ZBTB20: variants seen among roughly 807,000 people sequenced by gnomAD.
ZBTB20 encodes zinc finger and BTB domain-containing protein 20.
Under a neutral mutation model 56.9 loss-of-function variants are expected in ZBTB20, and 9 were observed. The ratio of observed to expected loss-of-function variants is 0.16; its 90% confidence interval spans 0.10 to 0.28. The LOEUF is 0.28. Among genes scored for constraint, ZBTB20 ranks in the 10% least tolerant of loss-of-function variants. The probability of loss-of-function intolerance (pLI) is 1.00; values close to 1 mark genes in which losing one functional copy is unlikely to be tolerated. For missense variants in ZBTB20, 655 were observed against 1,003.0 expected (o/e 0.65, Z 4.69); for synonymous variants, 417 against 420.7 (o/e 0.99, Z 0.11).
chr3:114,320,508 A>T lies in ZBTB20; in HGVS notation c.*18497T>A, dbSNP rs2078856425. The T allele has an allele frequency of 6.6e-6, 1 of 152,232 alleles. No individual in the cohort carries two copies. 9.4% of individuals were successfully genotyped at this position (152,232 alleles called of 1,614,324 possible). ...AAGTATGAAGGAGCCAAGATTACATAATTCCAACTATGGTATGATTGGCAA... is the reference window on the plus strand; with the variant it reads ...AAGTATGAAGGAGCCAAGATTACATTATTCCAACTATGGTATGATTGGCAA... On this transcript the variant is annotated 3_prime_UTR_variant, in exon 12 of 12. Coordinates refer to ENST00000675478, the MANE Select transcript of ZBTB20 (RefSeq NM_001348800.3).
intron 6 of ZBTB20, among the ~76,000 whole-genome samples, chr3:114,654,077 T>G (rs1333925111): frequency 6.6e-6 from 1 of 151,922 alleles, no homozygotes; most frequent in Admixed American, 6.5e-5. Flanking sequence ...TTCATTAATC[T>G]TCTTTGTAGT....
intron 7 of ZBTB20, among the ~76,000 whole-genome samples, chr3:114,493,451 T>A (rs2042954078): frequency 6.6e-6 from 1 of 152,200 alleles, no homozygotes; most frequent in Non-Finnish European, 1.5e-5. Flanking sequence ...CTTCTTAAGT[T>A]TGCTCCTCTA....
At chr3:114,551,277 G>C (rs536514056) in intron 6 of ZBTB20, among the ~76,000 whole-genome samples, 1 of 152,134 alleles carries the variant, frequency 6.6e-6, no homozygotes, top group Non-Finnish European at 1.5e-5. Flanking sequence ...TTCAATTTGC[G>C]TAACGATATT....
intron 3 of ZBTB20, among the ~76,000 whole-genome samples, chr3:114,954,977 A>G (rs900616434): frequency 1.3e-5 from 2 of 152,182 alleles, no homozygotes; most frequent in African/African-American, 4.8e-5. Context: ...GTGAATAGTA[A>G]TTCTAAAGGA....
chr3:114,528,496 T>C (rs1197961837), intron 6 of ZBTB20: 1 of 152,206 alleles, frequency 6.6e-6, no homozygotes, highest in African/African-American at 2.4e-5. Context: ...TGATAGATGT[T>C]TTAAATCAGT....
rs1033237402 is a variant in ZBTB20 at position 114,864,461 on chromosome 3, C to T, written c.-417+35843G>A. On this transcript the variant is annotated intron_variant, in intron 4 of 11. Coordinates refer to ENST00000675478, the MANE Select transcript of ZBTB20 (RefSeq NM_001348800.3). ...GTCTCCTATTTCTTAAGTATTTTTT[C>T]CTTTTTATTTTCATATAATTACAAG... Among the ~76,000 whole-genome samples, 6 of 143,990 alleles carry T rather than the reference C, an allele frequency of 4.2e-5. No homozygotes were observed. In the South Asian group the frequency reaches 1.4e-3, roughly 33 times the overall value. 94.5% of individuals were successfully genotyped at this position (143,990 alleles called of 152,430 possible). A position where few individuals can be genotyped will look rare whatever the true frequency, so the allele number is the denominator to read the frequency against.
At chr3:114,754,519 T>TA (rs1306513725) in intron 5 of ZBTB20, among the ~76,000 whole-genome samples, 2 of 152,298 alleles carry the variant, frequency 1.3e-5, no homozygotes, top group Non-Finnish European at 2.9e-5. Flanking sequence ...AGTGATATAA[T>TA]ACCATATGGA....
chr3:114,893,554 C>G (rs1356520136), intron 4 of ZBTB20, among the ~76,000 whole-genome samples: 1 of 152,094 alleles, frequency 6.6e-6, no homozygotes, highest in Non-Finnish European at 1.5e-5. Context: ...AACAATAAGC[C>G]TGTGGCCAGG....
intron 4 of ZBTB20, among the ~76,000 whole-genome samples, chr3:114,892,235 A>G (rs1007731196): frequency 6.6e-6 from 1 of 152,204 alleles, no homozygotes; most frequent in African/African-American, 2.4e-5. Flanking sequence ...CGTCTTGCTA[A>G]GGAAGTGTAT....
intron 5 of ZBTB20, among the ~76,000 whole-genome samples, chr3:114,712,099 G>A (rs572422460): frequency 5.6e-4 from 85 of 152,246 alleles, no homozygotes; most frequent in Non-Finnish European, 5.9e-5. Context: ...CCAGTATGAC[G>A]TGATTATCAG....
intron 10 of ZBTB20, among the ~76,000 whole-genome samples, chr3:114,368,634 GA>G (rs1356427442): frequency 2.0e-5 from 3 of 152,206 alleles, no homozygotes; most frequent in Non-Finnish European, 4.4e-5. Flanking sequence ...CAACACGCAG[GA>G]AAGAATATGA....
intron 6 of ZBTB20, among the ~76,000 whole-genome samples, chr3:114,558,938 T>C (rs928955543): frequency 3.9e-5 from 6 of 152,180 alleles, no homozygotes; most frequent in African/African-American, 1.4e-4. Flanking sequence ...CATCTTCATA[T>C]GGCTAGTTTC....
rs2078619694 is a variant in ZBTB20, at chr3:114,314,863, T to A, written c.*24142A>T. 1 of 151,992 alleles carries A rather than the reference T, an allele frequency of 6.6e-6. No homozygotes were observed. Among genetic ancestry groups the A allele is most frequent in the Non-Finnish European group, 1.5e-5 (1 of 67,982 alleles). 9.4% of individuals were successfully genotyped at this position (151,992 alleles called of 1,614,324 possible). On this transcript the variant is annotated 3_prime_UTR_variant, in exon 12 of 12. Coordinates refer to ENST00000675478, the MANE Select transcript of ZBTB20 (RefSeq NM_001348800.3). ...TTGAATGTTTTTTTTCCTGTTTAAATAACAAATACAAGTCACAGGTAAATA... is the reference window on the plus strand; with the variant it reads ...TTGAATGTTTTTTTTCCTGTTTAAAAAACAAATACAAGTCACAGGTAAATA...
At chr3:114,574,558 T>C (rs2053798605) in intron 6 of ZBTB20, among the ~76,000 whole-genome samples, 1 of 152,226 alleles carries the variant, frequency 6.6e-6, no homozygotes, top group Admixed American at 6.5e-5. Flanking sequence ...ATATTCTTTT[T>C]AGCCATTCTA....
intron 5 of ZBTB20, among the ~76,000 whole-genome samples, chr3:114,799,793 TCA>T (rs1051244432): frequency 3.3e-5 from 5 of 151,906 alleles, no homozygotes; most frequent in Admixed American, 3.3e-4. Flanking sequence ...CTCCTTCATT[TCA>T]CCAGATGCAA....
chr3:114,936,855 G>C (rs1394686760), intron 3 of ZBTB20, among the ~76,000 whole-genome samples: 1 of 152,098 alleles, frequency 6.6e-6, no homozygotes, highest in Non-Finnish European at 1.5e-5. Flanking sequence ...AGGTGAATTG[G>C]GTATGTGAGA....
chr3:114,635,713 A>C (rs1318014613), intron 6 of ZBTB20, among the ~76,000 whole-genome samples: 1 of 152,076 alleles, frequency 6.6e-6, no homozygotes, highest in Non-Finnish European at 1.5e-5. Context: ...AGAAAGAAAC[A>C]GTGAACATAA....
At chr3:114,364,809 CAACTACTGT>C (rs1046061707) in intron 10 of ZBTB20, among the ~76,000 whole-genome samples, 1 of 152,166 alleles carries the variant, frequency 6.6e-6, no homozygotes, top group Non-Finnish European at 1.5e-5. Flanking sequence ...ATTCATTTTT[CAACTACTGT>C]AGCCCCAAAG....
chr3:114,955,863 A>C (rs1274388618), intron 3 of ZBTB20, among the ~76,000 whole-genome samples: 1 of 152,120 alleles, frequency 6.6e-6, no homozygotes, highest in African/African-American at 2.4e-5. Context: ...TAGATAGAGC[A>C]ATATAAGTGG....
Sources: allele counts gnomAD v4.1 joint callset (sites outside exome capture counted in the v4.1 genomes callset), GRCh38; gene constraint gnomAD v4.1.1; transcripts MANE v1.5; gene names NCBI Gene and HGNC (gene_info 2026-07-23, HGNC 2026-07-21).